Variants in CHRNA4 observed in about 807,000 individuals in gnomAD.
CHRNA4 encodes the protein cholinergic receptor nicotinic alpha 4 subunit.
CHRNA4 carries 28 observed loss-of-function variants against 48.9 expected under a neutral mutation model. That is an observed-to-expected ratio of 0.57 (90% CI 0.42 to 0.79). The LOEUF is 0.79. CHRNA4 is among the 30% of genes least tolerant of loss of function. The pLI is 0.00. For missense variants in CHRNA4, 859 were observed against 898.4 expected (o/e 0.96, Z 0.56); for synonymous variants, 425 against 402.3 (o/e 1.06, Z -0.68).
chr20:63,359,769 C>G (rs1391517509), intron 1 of CHRNA4, 70 bp from the exon 2 acceptor site: 2 of 1,561,898 alleles, frequency 1.3e-6, no homozygotes. Context: ...CAGGAGCTCT[C>G]CAGGCTGCCC....
chr20:63,345,455 TG>T lies in CHRNA4; in HGVS notation c.*1282del. 1 of 384,554 alleles carries T rather than the reference TG, an allele frequency of 2.6e-6. No homozygotes were observed. The highest frequency in any genetic ancestry group is 5.3e-6 in the Non-Finnish European group (1 of 187,932). 23.8% of individuals were successfully genotyped at this position (384,554 alleles called of 1,614,324 possible). A position where few individuals can be genotyped will look rare whatever the true frequency, so the allele number is the denominator to read the frequency against. ...AGGGGAAGTGTGCCCCTGGGGACAC[TG>T]GGGGGCTGCCGGGTGCGCCATCTTT... is the stretch of plus-strand genomic sequence containing the variant. On this transcript the variant is annotated 3_prime_UTR_variant, in exon 6 of 6. Coordinates refer to ENST00000370263, the MANE Select transcript of CHRNA4 (RefSeq NM_000744.7). This position sits in a 1 kb window ranked among gnomAD's most constrained non-coding sequence, Gnocchi z 5.4.
chr20:63,351,184 T>TGGCCAC (rs1555838251), intron 4 of CHRNA4, 157 bp from the exon 5 acceptor site: 1 of 541,408 alleles, frequency 1.8e-6, no homozygotes, highest in African/African-American at 2.5e-5. Flanking sequence ...CCCACATCCA[T>TGGCCAC]GTCCCACGCC....
chr20:63,350,780 T>C lies in CHRNA4; in HGVS notation c.631A>G (p.Ile211Val), dbSNP rs749493840. ...TTGTAGGTGCCCACGGCATCCACGA[T>C]GACCCACTCGCCACTCTCCCAGAAG... is the stretch of plus-strand genomic sequence containing the variant. Reference protein sequence around the residue: ...LDFWESGEWVIVDAVGTYNTR... With the variant: ...LDFWESGEWVVVDAVGTYNTR... Residue 211 changes from isoleucine to valine, a missense_variant, in exon 5 of 6, where the codon ATC becomes GTC. Coordinates refer to ENST00000370263, the MANE Select transcript of CHRNA4 (RefSeq NM_000744.7). The C allele has an allele frequency of 1.2e-6, 2 of 1,613,728 alleles. No homozygotes were observed. Among genetic ancestry groups the C allele is most frequent in the Non-Finnish European group, 1.7e-6 (2 of 1,179,918 alleles).
Position 63,344,886 on chromosome 20 carries a change from A to T in CHRNA4, c.*1852T>A. The T allele has an allele frequency of 2.4e-6, 1 of 413,616 alleles. No homozygotes were observed. Among genetic ancestry groups the T allele is most frequent in the Non-Finnish European group, 4.9e-6 (1 of 204,528 alleles). 25.6% of individuals were successfully genotyped at this position (413,616 alleles called of 1,614,324 possible). ...CAGAGCTCAGCAGATGGGGTCCTGA[A>T]TACACGGGGGATGTGGGAGGGGCCA... On this transcript the variant is annotated 3_prime_UTR_variant, in exon 6 of 6. Transcript: ENST00000370263. The surrounding 1 kb of genome is among the most constrained non-coding windows in gnomAD (Gnocchi z 4.5).
In CHRNA4 at chr20:63,361,099, G is replaced by A; in HGVS notation, c.67C>T (p.Leu23Phe). ...PPLLLLLGTGLLRASSHVETR... is the reference protein window; with the variant it reads ...PPLLLLLGTGFLRASSHVETR... ...GCGCCCCGTAACTTACCGCGCAGGA[G>A]GCCGGTCCCCAGAAGCAGCAGCAGC... The change falls in exon 1 of 6, where the codon CTC (leucine) becomes TTC (phenylalanine). Residue 23 changes from leucine (L) to phenylalanine (F), a missense_variant. Leu to Phe is a conservative substitution (Grantham distance 22). Coordinates refer to ENST00000370263, the MANE Select transcript of CHRNA4 (RefSeq NM_000744.7). The A allele has an allele frequency of 2.7e-6, 4 of 1,473,034 alleles. No individual in the cohort carries two copies. Among genetic ancestry groups the A allele is most frequent in the Non-Finnish European group, 3.6e-6 (4 of 1,117,648 alleles). 91.2% of individuals were successfully genotyped at this position (1,473,034 alleles called of 1,614,324 possible). A position where few individuals can be genotyped will look rare whatever the true frequency, so the allele number is the denominator to read the frequency against.
chr20:63,355,443 T>C (rs2068702193), intron 4 of CHRNA4: 1 of 1,099,400 alleles, frequency 9.1e-7, no homozygotes, highest in African/African-American at 1.6e-5. Context: ...AGCGTGAGTA[T>C]GCAGAGAAAG....
chr20:63,355,611 G>A, intron 4 of CHRNA4: 1 of 1,310,046 alleles, frequency 7.6e-7, no homozygotes, highest in Non-Finnish European at 1.0e-6. Context: ...AAGGGTGGGG[G>A]CAAAGACGTC....
chr20:63,356,531 C>T (rs866491787), intron 2 of CHRNA4, 116 bp from the exon 3 acceptor site: 32 of 1,121,298 alleles, frequency 2.9e-5, no homozygotes, highest in Middle Eastern at 3.9e-4. Flanking sequence ...ATATGGTGGA[C>T]GGGCGACCTG....
Position 63,359,566 on chromosome 20 carries a change from G to A in CHRNA4, c.210C>T (p.Ile70=), listed in dbSNP as rs765247204. The A allele has an allele frequency of 4.3e-6, 7 of 1,612,726 alleles. No individual in the cohort carries two copies. The highest frequency in any genetic ancestry group is 1.1e-5 in the South Asian group (1 of 91,080). ...CACCTACCACGTCAATGAGCTGAGC[G>A]ATGGACAGGCCGAAGCGGACGAGGA... The part of the protein sequence containing the change: ...DVVLVRFGLS[I]AQLIDVDEKN... The change falls in exon 2 of 6, where the codon ATC becomes ATT. Residue 70 remains isoleucine (I), a synonymous_variant. Transcript: ENST00000370263.
intron 2 of CHRNA4, among the ~76,000 whole-genome samples, chr20:63,359,059 A>G (rs45556031): frequency 0.058 from 8,821 of 151,008 alleles, 369 homozygotes; most frequent in African/African-American, 0.12. Context: ...ATATCTTCAG[A>G]CAAACAGACT....
chr20:63,346,566 G>T lies in CHRNA4; in HGVS notation c.*172C>A. The T allele has an allele frequency of 1.1e-6, 1 of 927,922 alleles. No homozygotes were observed. Among genetic ancestry groups the T allele is most frequent in the Non-Finnish European group, 1.7e-6 (1 of 595,058 alleles). The allele number at this position is 927,922 out of a possible 1,614,324, so 57.5% of individuals were successfully genotyped here. A position where few individuals can be genotyped will look rare whatever the true frequency, so the allele number is the denominator to read the frequency against. On this transcript the variant is annotated 3_prime_UTR_variant, in exon 6 of 6. Transcript: ENST00000370263. ...CAGCTCCACACTCGGTCTCCCCAGA[G>T]GCCGTGTCCCCGTCCAAGGCCGTCT...
rs1219404169 is a variant in CHRNA4 at position 63,343,632 on chromosome 20, G to A, written c.*3106C>T. Reference sequence around the variant, plus strand: ...AGGAGGGCCACGTCGCCCCAGGCCGGGCCACACGGGAAGCACCCAGGCCGG... The same window carrying A: ...AGGAGGGCCACGTCGCCCCAGGCCGAGCCACACGGGAAGCACCCAGGCCGG... On this transcript the variant is annotated 3_prime_UTR_variant, in exon 6 of 6. Coordinates refer to ENST00000370263, the MANE Select transcript of CHRNA4 (RefSeq NM_000744.7). 2.2e-6 allele frequency: 1 copy of A among 452,194 alleles called. No homozygotes were observed. The highest frequency in any genetic ancestry group is 2.0e-5 in the African/African-American group (1 of 49,942). The allele number at this position is 452,194 out of a possible 1,614,324, so 28.0% of individuals were successfully genotyped here.
rs549254340 is a variant in CHRNA4 at position 63,350,136 on chromosome 20, G to T, written c.1275C>A (p.Pro425=). Residue 425 remains proline, a synonymous_variant, in exon 5 of 6, where the codon CCC becomes CCA. Transcript: ENST00000370263. ...GCTGCTGAGGAGGGAGCTGGTCGGA[G>T]GGTGACTTGCAGGAAGGCCCAGGCT... The part of the protein sequence containing the change: ...PAEPGPSCKS[P]SDQLPPQQPL... The T allele has an allele frequency of 1.3e-6, 2 of 1,568,726 alleles. No individual in the cohort carries two copies. The highest frequency in any genetic ancestry group is 2.3e-5 in the South Asian group (2 of 85,634).
chr20:63,347,472 C>T (rs895425021), intron 5 of CHRNA4, among the ~76,000 whole-genome samples: 2 of 152,218 alleles, frequency 1.3e-5, no homozygotes, highest in African/African-American at 2.4e-5. Context: ...CAGCGGGTTC[C>T]GGCTCCAGGT....
At chr20:63,347,063 G>C (rs1469616068) in intron 5 of CHRNA4, 200 bp from the exon 6 acceptor site, 2 of 720,020 alleles carry the variant, frequency 2.8e-6, no homozygotes, top group African/African-American at 1.8e-5. Context: ...CTCTGCGGGG[G>C]GCATCATCAC....
At chr20:63,360,584 G>A (rs1404315674) in intron 1 of CHRNA4, among the ~76,000 whole-genome samples, 1 of 152,132 alleles carries the variant, frequency 6.6e-6, no homozygotes, top group African/African-American at 2.4e-5. Context: ...ACTCGGGGAG[G>A]GGGAGGGGTC....
In CHRNA4 at chr20:63,343,462, C is replaced by T. The variant is rs1433570523; in HGVS notation, c.*3276G>A. ...ACTCAGCCACTTTAGAAATCCGAAG[C>T]CGCCTCTGCTCCAGGGGACACCTAA... On this transcript the variant is annotated 3_prime_UTR_variant, in exon 6 of 6. Transcript: ENST00000370263. The T allele has an allele frequency of 2.2e-6, 1 of 454,152 alleles. No individual in the cohort carries two copies. Among genetic ancestry groups the T allele is most frequent in the South Asian group, 1.6e-5 (1 of 64,482 alleles). 28.1% of individuals were successfully genotyped at this position (454,152 alleles called of 1,614,324 possible).
chr20:63,354,577 C>A, intron 4 of CHRNA4: 1 of 664,980 alleles, frequency 1.5e-6, no homozygotes, highest in Non-Finnish European at 1.7e-6. Flanking sequence ...CCTGGTGAGG[C>A]TGTGGAAGTG....
intron 5 of CHRNA4, among the ~76,000 whole-genome samples, chr20:63,347,845 C>T (rs969586918): frequency 1.3e-5 from 2 of 152,160 alleles, no homozygotes; most frequent in Admixed American, 6.5e-5. Flanking sequence ...AGTGCCGCCT[C>T]CTGCTCTGAT....
Sources: gnomAD v4.1 joint callset for allele counts (sites outside exome capture counted in the v4.1 genomes callset) on GRCh38, gnomAD v4.1.1 for gene constraint, Gnocchi (gnomAD v3.1) non-coding constraint, MANE v1.5 for transcripts, NCBI Gene and HGNC (gene_info 2026-07-23, HGNC 2026-07-21) for gene names.